STXBP5L: variants seen among roughly 807,000 people sequenced by gnomAD.
The protein encoded by STXBP5L is syntaxin-binding protein 5-like.
A neutral mutation model predicts 144.5 loss-of-function variants in STXBP5L; 65 were observed. The observed-to-expected ratio is 0.45, with a 90% CI of 0.37 to 0.55. STXBP5L has a LOEUF of 0.55. Among genes scored for constraint, STXBP5L ranks in the 20% least tolerant of loss-of-function variants. The probability of loss-of-function intolerance (pLI) is 0.00; values close to 1 mark genes in which losing one functional copy is unlikely to be tolerated. For synonymous variants in STXBP5L, 505 were observed against 469.6 expected (o/e 1.08, Z -0.97); for missense variants, 1,298 against 1,405.5 (o/e 0.92, Z 1.22).
At position 120,989,689 on chromosome 3, in the gene STXBP5L, C is replaced by T. The variant is rs144204424; in HGVS notation, c.287+34652C>T. ...CTACTAGTTTTTGTTTTACGTATTA[C>T]GTATTTTGAGGCTGTGTGGTTTGGT... is the stretch of plus-strand genomic sequence containing the variant. On this transcript the variant is annotated intron_variant, in intron 3 of 26. Coordinates refer to ENST00000471454, the MANE Select transcript of STXBP5L (RefSeq NM_001308330.2). Among the ~76,000 whole-genome samples, 27 of 152,184 alleles carry T rather than the reference C, an allele frequency of 1.8e-4. No individual in the cohort carries two copies. In the East Asian group the frequency reaches 3.7e-3, roughly 21 times the overall value.
chr3:121,119,334 G>T (rs2044360251), intron 6 of STXBP5L, among the ~76,000 whole-genome samples: 1 of 151,264 alleles, frequency 6.6e-6, no homozygotes, highest in Non-Finnish European at 1.5e-5. Context: ...TAACTCATTT[G>T]CAATACCTGC....
chr3:120,966,583 GT>G (rs1939606253), intron 3 of STXBP5L, among the ~76,000 whole-genome samples: 1 of 152,104 alleles, frequency 6.6e-6, no homozygotes, highest in Non-Finnish European at 1.5e-5. Flanking sequence ...TCCTCTCCAG[GT>G]CCTGTTTGCC....
intron 2 of STXBP5L, among the ~76,000 whole-genome samples, chr3:120,910,861 A>G (rs932959297): frequency 2.0e-5 from 3 of 152,182 alleles, no homozygotes; most frequent in Non-Finnish European, 4.4e-5. Flanking sequence ...TAATTTAGAT[A>G]AACAGATTTA....
chr3:121,353,795 T>G (rs1259118673), intron 20 of STXBP5L, among the ~76,000 whole-genome samples: 2 of 152,220 alleles, frequency 1.3e-5, no homozygotes, highest in Non-Finnish European at 2.9e-5. Flanking sequence ...TTTTAGATCT[T>G]TCCTGCTTTC....
At chr3:120,979,239 G>C (rs1216431898) in intron 3 of STXBP5L, among the ~76,000 whole-genome samples, 1 of 152,202 alleles carries the variant, frequency 6.6e-6, no homozygotes, top group African/African-American at 2.4e-5. Flanking sequence ...ACCTAAGCAA[G>C]CCTGGGCAAT....
At position 121,056,639 on chromosome 3, in the gene STXBP5L, T is replaced by A. The variant is rs1948478676; in HGVS notation, c.470+11104T>A. ...TTGCATAACTAATATATTTACTGGG[T>A]TTGACATTCAAAAGGTACAACAGTG... On this transcript the variant is annotated intron_variant, in intron 5 of 26. Transcript: ENST00000471454. Among the ~76,000 whole-genome samples the A allele has an allele frequency of 1.3e-5, 2 of 152,152 alleles. 1 individual carries two copies. Among genetic ancestry groups the A allele is most frequent in the South Asian group, 4.1e-4 (2 of 4,836 alleles).
Position 121,357,371 on chromosome 3 carries a change from A to G in STXBP5L, c.2177-21345A>G, listed in dbSNP as rs946014798. The G allele has an allele frequency of 1.9e-5, 3 of 155,606 alleles. No individual in the cohort carries two copies. The Admixed American group carries it at 2.0e-4, about 10-fold the overall frequency. The allele number at this position is 155,606 out of a possible 1,614,324, so 9.6% of individuals were successfully genotyped here. ...AGCAAGTTAATTTAAAGGCCAATTA[A>G]TTTCATTGTCCTTTGGATTGGCATT... On this transcript the variant is annotated intron_variant, in intron 20 of 26. Coordinates refer to ENST00000471454, the MANE Select transcript of STXBP5L (RefSeq NM_001308330.2).
chr3:120,927,429 T>G (rs1012690575), intron 2 of STXBP5L, among the ~76,000 whole-genome samples: 1 of 152,216 alleles, frequency 6.6e-6, no homozygotes, highest in African/African-American at 2.4e-5. Context: ...CCTCCCCTCT[T>G]TGTTTCTCTT....
intron 15 of STXBP5L, among the ~76,000 whole-genome samples, chr3:121,253,457 T>C (rs554157982): frequency 6.6e-6 from 1 of 151,980 alleles, no homozygotes; most frequent in African/African-American, 2.4e-5. Flanking sequence ...CCCTAAATAC[T>C]TCAGTGTGTA....
At position 121,279,710 on chromosome 3, in the gene STXBP5L, A is replaced by C. The variant is rs143272081; in HGVS notation, c.1959-95A>C. 56 of 1,478,416 alleles carry C rather than the reference A, an allele frequency of 3.8e-5. 1 individual carries two copies. The African/African-American group carries it at 5.5e-4, about 14-fold the overall frequency. 91.6% of individuals were successfully genotyped at this position (1,478,416 alleles called of 1,614,324 possible). On this transcript the variant is annotated intron_variant, in intron 18 of 26. Coordinates refer to ENST00000471454, the MANE Select transcript of STXBP5L (RefSeq NM_001308330.2). ...TCACTGCCCAACTTCCCCAACCCTA[A>C]GACATTACTTTTCAATAATCCTATG... is the stretch of plus-strand genomic sequence containing the variant.
chr3:121,363,435 G>A (rs1373182013), intron 20 of STXBP5L, among the ~76,000 whole-genome samples: 1 of 152,128 alleles, frequency 6.6e-6, no homozygotes, highest in Non-Finnish European at 1.5e-5. Flanking sequence ...CAGACTGCTG[G>A]GATTGGCAGT....
At chr3:121,180,491 C>G (rs543466578) in intron 9 of STXBP5L, among the ~76,000 whole-genome samples, 1 of 152,100 alleles carries the variant, frequency 6.6e-6, no homozygotes, top group Non-Finnish European at 1.5e-5. Context: ...CTCCTTAAAC[C>G]GTGAAGCTCA....
chr3:120,965,681 T>C (rs9843217), intron 3 of STXBP5L, among the ~76,000 whole-genome samples: 15,111 of 152,180 alleles, frequency 0.099, 1,184 homozygotes, highest in Admixed American at 0.2. Flanking sequence ...GTGGGTAACT[T>C]GACCTTTCTC....
intron 22 of STXBP5L, among the ~76,000 whole-genome samples, chr3:121,384,435 G>C (rs1023534277): frequency 6.6e-6 from 1 of 152,006 alleles, no homozygotes; most frequent in African/African-American, 2.4e-5. Flanking sequence ...AGACCAAAGT[G>C]AGAGGAATGC....
At chr3:120,967,429 CA>C (rs754613638) in intron 3 of STXBP5L, among the ~76,000 whole-genome samples, 9 of 152,154 alleles carry the variant, frequency 5.9e-5, no homozygotes, top group Non-Finnish European at 1.2e-4. Flanking sequence ...CGGCCATCTT[CA>C]GTTGTGTGAT....
At chr3:121,020,563 C>A (rs1945474062) in intron 3 of STXBP5L, among the ~76,000 whole-genome samples, 1 of 152,152 alleles carries the variant, frequency 6.6e-6, no homozygotes. Context: ...CAGCAGATTT[C>A]TCAGCAGAAA....
intron 3 of STXBP5L, among the ~76,000 whole-genome samples, chr3:121,034,645 C>G (rs1276779104): frequency 3.9e-5 from 6 of 152,034 alleles, no homozygotes; most frequent in Non-Finnish European, 8.8e-5. Flanking sequence ...TAGATTGATT[C>G]CATGTATCTG....
chr3:121,064,609 T>C (rs1162605189), intron 5 of STXBP5L, among the ~76,000 whole-genome samples: 2 of 152,240 alleles, frequency 1.3e-5, no homozygotes, highest in Admixed American at 6.5e-5. Flanking sequence ...ATTCAGTCTG[T>C]GGACATATGT....
At chr3:121,091,769 C>G (rs1406077180) in intron 5 of STXBP5L, among the ~76,000 whole-genome samples, 1 of 152,112 alleles carries the variant, frequency 6.6e-6, no homozygotes, top group Non-Finnish European at 1.5e-5. Context: ...TGCAGAAGCT[C>G]TTTAGTTTAA....
Sources: allele counts gnomAD v4.1 joint callset (sites outside exome capture counted in the v4.1 genomes callset), GRCh38; gene constraint gnomAD v4.1.1; transcripts MANE v1.5; gene names NCBI Gene and HGNC (gene_info 2026-07-23, HGNC 2026-07-21).